The following ATG5 variants were observed in gnomAD, a reference collection of about 807,000 sequenced individuals.
ATG5 encodes the protein autophagy protein 5.
ATG5 carries 14 observed loss-of-function variants against 36.5 expected under a neutral mutation model. The ratio of observed to expected loss-of-function variants is 0.38; its 90% CI spans 0.25 to 0.60. The LOEUF is 0.60. Ranked by LOEUF, ATG5 falls within the 20% of genes least tolerant of loss-of-function variation. The pLI is 0.60. For missense variants in ATG5, 195 were observed against 326.7 expected (o/e 0.60, Z 3.11); for synonymous variants, 95 against 101.5 (o/e 0.94, Z 0.38).
In ATG5 at chr6:106,272,901, A is replaced by T. The variant is rs1779507032; in HGVS notation, c.478+6760T>A. On this transcript the variant is annotated intron_variant, in intron 5 of 7. Coordinates refer to ENST00000369076, the MANE Select transcript of ATG5 (RefSeq NM_004849.4). ...TATTTGTGGCAATGGAAGAAAGAAA[A>T]ATTTCCAAAAACTCACACAGACAAG... Among the ~76,000 whole-genome samples, 3 of 152,222 alleles carry T rather than the reference A, an allele frequency of 2.0e-5. No individual in the cohort carries two copies. In the South Asian group the frequency reaches 6.2e-4, roughly 31 times the overall value.
chr6:106,296,555 C>T (rs748396989), intron 3 of ATG5, among the ~76,000 whole-genome samples: 1 of 152,070 alleles, frequency 6.6e-6, no homozygotes, highest in Non-Finnish European at 1.5e-5. Flanking sequence ...TGGTGGCTCA[C>T]GCCTGTAATC....
At chr6:106,272,355 C>A (rs1779485363) in intron 5 of ATG5, among the ~76,000 whole-genome samples, 1 of 152,214 alleles carries the variant, frequency 6.6e-6, no homozygotes, top group South Asian at 2.1e-4. Flanking sequence ...GGATTAAGTT[C>A]AATATTGTTA....
At chr6:106,207,109 G>A (rs1364747120) in intron 6 of ATG5, among the ~76,000 whole-genome samples, 2 of 152,180 alleles carry the variant, frequency 1.3e-5, no homozygotes, top group Non-Finnish European at 2.9e-5. Context: ...ATAACATGAT[G>A]TAAGTCACCT....
At chr6:106,289,143 T>C (rs1780203887) in intron 4 of ATG5, among the ~76,000 whole-genome samples, 1 of 152,198 alleles carries the variant, frequency 6.6e-6, no homozygotes, top group Non-Finnish European at 1.5e-5. Flanking sequence ...AAATTGTTAC[T>C]CAATACATCC....
At chr6:106,305,110 T>C (rs1310236933) in intron 3 of ATG5, among the ~76,000 whole-genome samples, 1 of 148,314 alleles carries the variant, frequency 6.7e-6, no homozygotes, top group Non-Finnish European at 1.5e-5. Flanking sequence ...AAAAAAAAGA[T>C]GAATTTTATT....
intron 4 of ATG5, among the ~76,000 whole-genome samples, chr6:106,292,416 C>G (rs553986215): frequency 6.6e-6 from 1 of 152,260 alleles, no homozygotes; most frequent in Admixed American, 6.5e-5. Flanking sequence ...AATTAGGTCA[C>G]ACTAAATTCA....
At chr6:106,215,937 G>A (rs1310829163) in intron 6 of ATG5, among the ~76,000 whole-genome samples, 3 of 152,190 alleles carry the variant, frequency 2.0e-5, no homozygotes, top group Admixed American at 6.5e-5. Flanking sequence ...ATTTTAAAAT[G>A]AGCAAAGGAT....
chr6:106,308,540 T>C, intron 2 of ATG5, 49 bp from the exon 3 acceptor site: 1 of 1,347,962 alleles, frequency 7.4e-7, no homozygotes, highest in South Asian at 1.6e-5. Context: ...TTATTATTTT[T>C]AAAAAATACT....
chr6:106,309,044 AC>A (rs1297091372), intron 2 of ATG5, among the ~76,000 whole-genome samples: 1 of 152,146 alleles, frequency 6.6e-6, no homozygotes, highest in Non-Finnish European at 1.5e-5. Flanking sequence ...CAAAAATAAA[AC>A]AGGAGTGTTT....
At chr6:106,303,549 C>T (rs1447154082) in intron 3 of ATG5, among the ~76,000 whole-genome samples, 5 of 152,018 alleles carry the variant, frequency 3.3e-5, no homozygotes, top group Non-Finnish European at 7.4e-5. Context: ...AGAACACTTT[C>T]GAACTCAGTT....
chr6:106,279,625 A>G, intron 5 of ATG5, 36 bp downstream of exon 5: 1 of 1,393,470 alleles, frequency 7.2e-7, no homozygotes, highest in Non-Finnish European at 9.5e-7. Flanking sequence ...ATATTTTATA[A>G]AGTGGTATTC....
intron 1 of ATG5, among the ~76,000 whole-genome samples, chr6:106,323,696 T>C (rs1319005574): frequency 6.6e-6 from 1 of 152,170 alleles, no homozygotes; most frequent in Non-Finnish European, 1.5e-5. Flanking sequence ...CCTGGATAAA[T>C]GCAGTCAATG....
At chr6:106,266,294 C>G (rs549924494) in intron 5 of ATG5, among the ~76,000 whole-genome samples, 224 of 152,158 alleles carry the variant, frequency 1.5e-3, no homozygotes, top group African/African-American at 5.3e-3. Context: ...AAGACTAAAC[C>G]AGAAGAAGTT....
At chr6:106,241,225 G>A (rs747347988) in intron 6 of ATG5, among the ~76,000 whole-genome samples, 4 of 152,134 alleles carry the variant, frequency 2.6e-5, no homozygotes, top group Non-Finnish European at 5.9e-5. Flanking sequence ...ATGGGCAAAG[G>A]ACTTGAATAG....
intron 6 of ATG5, among the ~76,000 whole-genome samples, chr6:106,206,753 T>C (rs529907973): frequency 6.6e-6 from 1 of 151,892 alleles, no homozygotes; most frequent in Non-Finnish European, 1.5e-5. Context: ...CATAGAGAGA[T>C]CATGCATTCA....
At chr6:106,222,425 C>G (rs1013490936) in intron 6 of ATG5, among the ~76,000 whole-genome samples, 1 of 152,128 alleles carries the variant, frequency 6.6e-6, no homozygotes, top group South Asian at 2.1e-4. Context: ...AGGAAAATAA[C>G]TTTCTGTAAA....
chr6:106,219,504 A>G (rs1409108485), intron 6 of ATG5, among the ~76,000 whole-genome samples: 2 of 152,172 alleles, frequency 1.3e-5, no homozygotes, highest in Non-Finnish European at 2.9e-5. Context: ...TTTTCTTGTT[A>G]TCATTCCCTA....
intron 6 of ATG5, among the ~76,000 whole-genome samples, chr6:106,246,706 A>C (rs1582604861): frequency 6.6e-6 from 1 of 152,338 alleles, no homozygotes; most frequent in Middle Eastern, 3.4e-3. Context: ...ATAAATCTCA[A>C]AACAGTTTCC....
chr6:106,224,710 C>T (rs1325704113), intron 6 of ATG5, among the ~76,000 whole-genome samples: 3 of 151,972 alleles, frequency 2.0e-5, no homozygotes, highest in Non-Finnish European at 4.4e-5. Context: ...ACCCTGTCTC[C>T]CCTGTCTGTA....
Sources: gnomAD v4.1 joint callset for allele counts (sites outside exome capture counted in the v4.1 genomes callset) on GRCh38, gnomAD v4.1.1 for gene constraint, MANE v1.5 for transcripts, NCBI Gene and HGNC (gene_info 2026-07-23, HGNC 2026-07-21) for gene names.